The following FMNL2 variants were observed in gnomAD, a reference collection of about 807,000 sequenced individuals.
FMNL2 encodes the protein formin-like protein 2.
Under a neutral mutation model 130.2 loss-of-function variants are expected in FMNL2, and 51 were observed. That is an observed-to-expected ratio of 0.39 (90% CI 0.31 to 0.49). The LOEUF is 0.49. Ranked by LOEUF, FMNL2 falls within the 20% of genes least tolerant of loss-of-function variation. The pLI is 0.85. For synonymous variants in FMNL2, 465 were observed against 467.1 expected (o/e 1.00, Z 0.06); for missense variants, 977 against 1,316.2 (o/e 0.74, Z 3.99).
chr2:152,645,410 G>T, intron 25 of FMNL2: 2 of 1,242,818 alleles, frequency 1.6e-6, no homozygotes, highest in Non-Finnish European at 2.1e-6. Context: ...CCATCATTTT[G>T]TGTTTTTGTT....
intron 1 of FMNL2, among the ~76,000 whole-genome samples, chr2:152,385,520 A>G (rs1409670596): frequency 1.3e-5 from 2 of 152,220 alleles, no homozygotes; most frequent in Non-Finnish European, 2.9e-5. Context: ...ACCATGCCCT[A>G]TGAATGTGTA....
chr2:152,350,280 A>G (rs1045858963), intron 1 of FMNL2, among the ~76,000 whole-genome samples: 4 of 152,142 alleles, frequency 2.6e-5, no homozygotes, highest in Admixed American at 6.5e-5. Context: ...GTCATTCCAC[A>G]GCATATGGGA....
intron 1 of FMNL2, among the ~76,000 whole-genome samples, chr2:152,404,623 GA>G (rs1375354838): frequency 6.6e-6 from 1 of 152,142 alleles, no homozygotes; most frequent in Non-Finnish European, 1.5e-5. Flanking sequence ...TTTTTCTGCA[GA>G]GTTCTCCAGC....
intron 23 of FMNL2, 100 bp from the exon 24 acceptor site, chr2:152,639,858 A>AAAG: frequency 9.8e-7 from 1 of 1,015,264 alleles, no homozygotes; most frequent in South Asian, 1.7e-5. Context: ...ATTTATTGTA[A>AAAG]TTCTCAACTC....
At chr2:152,435,776 T>C (rs1012908526) in intron 1 of FMNL2, among the ~76,000 whole-genome samples, 1 of 152,368 alleles carries the variant, frequency 6.6e-6, no homozygotes, top group Non-Finnish European at 1.5e-5. Context: ...ACCAAATTGC[T>C]AATTATGTTC....
intron 9 of FMNL2, among the ~76,000 whole-genome samples, chr2:152,606,923 T>C (rs1698389353): frequency 6.6e-6 from 1 of 151,836 alleles, no homozygotes; most frequent in Non-Finnish European, 1.5e-5. Context: ...TAAATGTGCC[T>C]TTTAAAGAAT....
chr2:152,572,690 C>T (rs1267690422), intron 6 of FMNL2, among the ~76,000 whole-genome samples: 5 of 152,054 alleles, frequency 3.3e-5, no homozygotes, highest in Admixed American at 1.3e-4. Context: ...CTGCAGGGAG[C>T]CGTGATCATG....
rs527438747 is a variant in FMNL2, at chr2:152,340,990, G to A, written c.117+5270G>A. ...CAGGTGTGAACCACTGTGCCCGGCC[G>A]GAAGGTCAAGTTTTAACATTTAAGT... On this transcript the variant is annotated intron_variant, in intron 1 of 25. Transcript: ENST00000288670. Among the ~76,000 whole-genome samples, 809 of 152,192 alleles carry A rather than the reference G, an allele frequency of 5.3e-3. 8 individuals are homozygous for A. The highest frequency in any genetic ancestry group is 9.0e-3 in the Non-Finnish European group (614 of 67,986).
chr2:152,363,782 G>A (rs4637059), intron 1 of FMNL2, among the ~76,000 whole-genome samples: 101,360 of 151,912 alleles, frequency 0.67, 35,920 homozygotes, highest in Admixed American at 0.8. Context: ...GCCTGGTCTC[G>A]AACTCCTGAC....
chr2:152,529,966 A>G (rs974440649), intron 2 of FMNL2, among the ~76,000 whole-genome samples: 2 of 152,130 alleles, frequency 1.3e-5, no homozygotes, highest in African/African-American at 4.8e-5. Flanking sequence ...GGGAAGGAAA[A>G]AAAAGAAAAG....
At chr2:152,546,552 C>T (rs764461288) in intron 3 of FMNL2, among the ~76,000 whole-genome samples, 3 of 152,114 alleles carry the variant, frequency 2.0e-5, no homozygotes, top group Admixed American at 6.5e-5. Context: ...CCTATTTCAA[C>T]GTGGGATTTG....
intron 9 of FMNL2, among the ~76,000 whole-genome samples, chr2:152,598,546 A>G (rs1697882682): frequency 6.6e-6 from 1 of 152,112 alleles, no homozygotes; most frequent in Non-Finnish European, 1.5e-5. Context: ...AAAATTACCC[A>G]GGCCTGGTGG....
chr2:152,397,943 G>A (rs1685488830), intron 1 of FMNL2, among the ~76,000 whole-genome samples: 1 of 152,130 alleles, frequency 6.6e-6, no homozygotes, highest in Admixed American at 6.5e-5. Context: ...GGCCAACATG[G>A]CAAAACCTCA....
intron 21 of FMNL2, among the ~76,000 whole-genome samples, chr2:152,633,512 G>A (rs1200853898): frequency 6.6e-6 from 1 of 152,212 alleles, no homozygotes; most frequent in Non-Finnish European, 1.5e-5. Flanking sequence ...GAATGAATGA[G>A]ATGATGCACT....
intron 6 of FMNL2, among the ~76,000 whole-genome samples, chr2:152,573,614 A>G (rs1169809877): frequency 1.3e-5 from 2 of 152,174 alleles, no homozygotes; most frequent in Non-Finnish European, 2.9e-5. Context: ...TGTTGCTGTT[A>G]TTGGTCGTGA....
chr2:152,359,021 T>A (rs931907499), intron 1 of FMNL2, among the ~76,000 whole-genome samples: 1 of 152,138 alleles, frequency 6.6e-6, no homozygotes, highest in Non-Finnish European at 1.5e-5. Context: ...ATTATGAAAT[T>A]AGCAAAAAAT....
At chr2:152,414,084 T>C (rs1160193801) in intron 1 of FMNL2, among the ~76,000 whole-genome samples, 2 of 152,234 alleles carry the variant, frequency 1.3e-5, no homozygotes, top group Non-Finnish European at 2.9e-5. Context: ...GTTTGTTTTC[T>C]ATTTGATCTA....
At chr2:152,614,762 CAA>C (rs1491319197) in intron 11 of FMNL2, 87 bp from the exon 12 acceptor site, 87 of 1,418,846 alleles carry the variant, frequency 6.1e-5, no homozygotes, top group East Asian at 2.4e-4. Context: ...CAAAACAAAA[CAA>C]AAAACAAAAA....
intron 1 of FMNL2, among the ~76,000 whole-genome samples, chr2:152,496,778 T>C (rs994784263): frequency 1.3e-5 from 2 of 152,228 alleles, no homozygotes; most frequent in East Asian, 1.9e-4. Flanking sequence ...ATTATATTGC[T>C]CAAATTGTTC....
Sources: allele counts gnomAD v4.1 joint callset (sites outside exome capture counted in the v4.1 genomes callset), GRCh38; gene constraint gnomAD v4.1.1; transcripts MANE v1.5; gene names NCBI Gene and HGNC (gene_info 2026-07-23, HGNC 2026-07-21).